The following LASP1 variants were observed in gnomAD, a reference collection of about 807,000 sequenced individuals.
LASP1 encodes the protein LIM and SH3 protein 1, also known as LIM and SH3 domain protein 1.
In LASP1, 10 loss-of-function variants were observed where a neutral mutation model predicts 38.6. That is an observed-to-expected ratio of 0.26 (90% CI 0.16 to 0.44). LASP1 has a LOEUF of 0.44. LASP1 is among the 20% of genes least tolerant of loss of function. The pLI is 1.00. For missense variants in LASP1, 243 were observed against 375.7 expected (o/e 0.65, Z 2.92); for synonymous variants, 132 against 140.8 (o/e 0.94, Z 0.44).
At chr17:38,893,444 G>C (rs561031399) in intron 3 of LASP1, among the ~76,000 whole-genome samples, 1 of 152,224 alleles carries the variant, frequency 6.6e-6, no homozygotes, top group South Asian at 2.1e-4. Flanking sequence ...ATGGGCAGGA[G>C]TGTACCGACC....
At chr17:38,917,233 G>A (rs1313580461) in intron 6 of LASP1, among the ~76,000 whole-genome samples, 1 of 152,146 alleles carries the variant, frequency 6.6e-6, no homozygotes, top group Admixed American at 6.6e-5. Flanking sequence ...CAAGATAGAG[G>A]CAGAATTGGT....
intron 4 of LASP1, among the ~76,000 whole-genome samples, chr17:38,913,939 T>C (rs1466775129): frequency 2.0e-5 from 3 of 150,946 alleles, no homozygotes; most frequent in African/African-American, 7.3e-5. Context: ...GAGGTGGAGG[T>C]TGCGGTGAGC....
chr17:38,878,405 G>A (rs1256045422), intron 2 of LASP1, among the ~76,000 whole-genome samples: 1 of 152,112 alleles, frequency 6.6e-6, no homozygotes, highest in Non-Finnish European at 1.5e-5. Flanking sequence ...TACAGATGAG[G>A]AAACTGGGGC....
intron 1 of LASP1, among the ~76,000 whole-genome samples, chr17:38,872,267 T>G (rs1372240806): frequency 6.6e-6 from 1 of 152,000 alleles, no homozygotes; most frequent in Non-Finnish European, 1.5e-5. Flanking sequence ...CCTCCCTACC[T>G]CTCTGGGATG....
chr17:38,909,261 A>AG (rs1567703836), intron 4 of LASP1, among the ~76,000 whole-genome samples: 1 of 152,054 alleles, frequency 6.6e-6, no homozygotes, highest in Non-Finnish European at 1.5e-5. Flanking sequence ...TCAAACCCTG[A>AG]ACCCTCACAC....
intron 4 of LASP1, among the ~76,000 whole-genome samples, chr17:38,901,228 CT>C: frequency 6.6e-6 from 1 of 152,334 alleles, no homozygotes; most frequent in South Asian, 2.1e-4. Context: ...CACACTCAGC[CT>C]AAGCCACCTC....
intron 2 of LASP1, among the ~76,000 whole-genome samples, chr17:38,889,121 T>A (rs181291131): frequency 6.6e-6 from 1 of 152,160 alleles, no homozygotes; most frequent in African/African-American, 2.4e-5. Context: ...TGTTTGTTTT[T>A]TTTTGTTTTG....
chr17:38,888,124 C>T (rs9896145), intron 2 of LASP1, among the ~76,000 whole-genome samples: 3,068 of 152,202 alleles, frequency 0.02, 118 homozygotes, highest in African/African-American at 0.071. Context: ...GGGGCCCATG[C>T]AGACCCCCAG....
intron 4 of LASP1, among the ~76,000 whole-genome samples, chr17:38,913,665 C>T (rs1915020483): frequency 6.6e-6 from 1 of 152,070 alleles, no homozygotes; most frequent in African/African-American, 2.4e-5. Flanking sequence ...ACTGTGGACC[C>T]AGGCGGAAAC....
chr17:38,916,286 G>C (rs1017361844), intron 6 of LASP1: 2 of 152,444 alleles, frequency 1.3e-5, no homozygotes, highest in African/African-American at 4.8e-5. Flanking sequence ...TTGGCCGGGG[G>C]TGGTGGCTCA....
At chr17:38,877,075 A>G (rs2143731667) in intron 1 of LASP1, among the ~76,000 whole-genome samples, 1 of 152,296 alleles carries the variant, frequency 6.6e-6, no homozygotes, top group East Asian at 1.9e-4. Flanking sequence ...GCACCCCAAC[A>G]CACACAATCT....
At chr17:38,880,327 A>T (rs1250548065) in intron 2 of LASP1, among the ~76,000 whole-genome samples, 1 of 152,216 alleles carries the variant, frequency 6.6e-6, no homozygotes, top group Non-Finnish European at 1.5e-5. Context: ...CCAAAGTTCC[A>T]GCTTACTGTT....
intron 1 of LASP1, among the ~76,000 whole-genome samples, chr17:38,873,498 C>A (rs757413100): frequency 2.0e-5 from 3 of 152,230 alleles, no homozygotes; most frequent in Non-Finnish European, 2.9e-5. Flanking sequence ...TCTTTCTGCT[C>A]AGCTCTTCTG....
chr17:38,881,466 CT>C (rs1913948540), intron 2 of LASP1, among the ~76,000 whole-genome samples: 3 of 152,086 alleles, frequency 2.0e-5, no homozygotes, highest in African/African-American at 7.2e-5. Flanking sequence ...GAGAGGAGGG[CT>C]TGTCATACTC....
At chr17:38,900,866 A>T (rs1370374181) in intron 4 of LASP1, among the ~76,000 whole-genome samples, 2 of 152,276 alleles carry the variant, frequency 1.3e-5, no homozygotes, top group South Asian at 4.1e-4. Flanking sequence ...TTGACTCTTT[A>T]TATGCTAGGG....
intron 2 of LASP1, among the ~76,000 whole-genome samples, chr17:38,888,502 T>C (rs750231245): frequency 6.6e-6 from 1 of 152,210 alleles, no homozygotes; most frequent in African/African-American, 2.4e-5. Context: ...GGTCTCGAAC[T>C]CCTGGCCTCA....
intron 1 of LASP1, among the ~76,000 whole-genome samples, chr17:38,875,717 T>C (rs1913749779): frequency 6.6e-6 from 1 of 152,158 alleles, no homozygotes; most frequent in East Asian, 1.9e-4. Flanking sequence ...TGGGCCATGG[T>C]AGGGAGGTTG....
Position 38,919,033 on chromosome 17 carries a change from A to AG in LASP1, c.*257dup. ...GAACGGGCATGGGCCTCTCTGGGGG[A>AG]GGCAGGGCTGGAATGGGAGACCTGT... On this transcript the variant is annotated 3_prime_UTR_variant, in exon 7 of 7. Coordinates refer to ENST00000318008, the MANE Select transcript of LASP1 (RefSeq NM_006148.4). 1.3e-5 allele frequency: 7 copies of AG among 532,762 alleles called. No homozygotes were observed. Among genetic ancestry groups the AG allele is most frequent in the African/African-American group, 1.9e-5 (1 of 52,686 alleles). 33.0% of individuals were successfully genotyped at this position (532,762 alleles called of 1,614,324 possible).
At position 38,915,065 on chromosome 17, in the gene LASP1, G is replaced by C; in HGVS notation, c.531G>C (p.Gln177His). 6.2e-7 allele frequency: 1 copy of C among 1,614,036 alleles called. No homozygotes were observed. Among genetic ancestry groups the C allele is most frequent in the South Asian group, 1.1e-5 (1 of 91,084 alleles). ...SAPVYQQPQQQPVAQSYGGYK... is the reference protein window; with the variant it reads ...SAPVYQQPQQHPVAQSYGGYK... ...CAGTTTACCAGCAGCCCCAGCAGCA[G>C]CCGGTGGCCCAGTCCTATGGTGGCT... The change falls in exon 6 of 7, where the codon CAG becomes CAC. Residue 177 changes from glutamine (Q) to histidine (H), a missense_variant. Physicochemically the swap from Gln to His is conservative, Grantham distance 24 (BLOSUM62 0). This residue lies in a region of LASP1 where 165 missense variants were observed against 210.3 expected (regional missense o/e 0.78). Transcript: ENST00000318008.
Sources: allele counts gnomAD v4.1 joint callset (sites outside exome capture counted in the v4.1 genomes callset), GRCh38; gene constraint gnomAD v4.1.1; regional missense constraint gnomAD v4.1.1; transcripts MANE v1.5; gene names NCBI Gene and HGNC (gene_info 2026-07-23, HGNC 2026-07-21).